Variants in NEBL observed in about 807,000 individuals in gnomAD.
NEBL encodes the protein nebulette.
A neutral mutation model predicts 140.2 loss-of-function variants in NEBL; 122 were observed. The observed-to-expected ratio is 0.87, with a 90% CI of 0.75 to 1.01. The LOEUF (loss-of-function observed/expected upper bound fraction) is 1.01. Among genes scored for constraint, NEBL ranks in the 50% least tolerant of loss-of-function variants. The pLI, the probability that NEBL is intolerant of heterozygous loss-of-function variation, is 0.00. For missense variants in NEBL, 1,365 were observed against 1,231.3 expected (o/e 1.11, Z -1.62); for synonymous variants, 436 against 398.9 (o/e 1.09, Z -1.11).
At chr10:21,148,181 A>G (rs1413216127) in intron 2 of NEBL, among the ~76,000 whole-genome samples, 3 of 152,238 alleles carry the variant, frequency 2.0e-5, no homozygotes, top group Non-Finnish European at 4.4e-5. Context: ...AAGTTCCAGA[A>G]AGGGAATAAC....
At chr10:20,836,780 C>G (rs1293207123) in intron 13 of NEBL, among the ~76,000 whole-genome samples, 3 of 152,026 alleles carry the variant, frequency 2.0e-5, no homozygotes, top group Admixed American at 6.6e-5. Context: ...TCCTTTACAC[C>G]CAATAAAACT....
At chr10:20,899,556 C>A, upstream of NEBL, 5 of 527,432 alleles carry the variant, frequency 9.5e-6, no homozygotes, top group South Asian at 1.0e-4. Flanking sequence ...ATTCTAGAAT[C>A]AGAATTTCAA....
At position 21,287,646 on chromosome 10, in the gene NEBL, T is replaced by C. The variant is rs545631419; in HGVS notation, n.182+5184A>G. Among the ~76,000 whole-genome samples, 7 of 152,294 alleles carry C rather than the reference T, an allele frequency of 4.6e-5. No homozygotes were observed. The East Asian group carries it at 1.3e-3, about 29-fold the overall frequency. ...GACCATTGAAAGTATTCATTAAAAA[T>C]CTAATCAAACCCCTATAATCCAGAT... On this transcript the variant is annotated intron_variant and non_coding_transcript_variant, in intron 1 of 8. Transcript: ENST00000675702.
At position 21,272,146 on chromosome 10, in the gene NEBL, T is replaced by C. The variant is rs1014143940; in HGVS notation, n.183-20318A>G. ...TTTTTTTTTTTTTTTTTTTTTTTTT[T>C]AGTAGAGACGGGGTTTCACCATGTT... On this transcript the variant is annotated intron_variant and non_coding_transcript_variant, in intron 1 of 8. Transcript: ENST00000675702. Among the ~76,000 whole-genome samples, 190 of 140,080 alleles carry C rather than the reference T, an allele frequency of 1.4e-3. 2 individuals carry two copies. Among genetic ancestry groups the C allele is most frequent in the African/African-American group, 5.1e-3 (173 of 33,664 alleles). 91.9% of individuals were successfully genotyped at this position (140,080 alleles called of 152,430 possible).
intron 4 of NEBL, among the ~76,000 whole-genome samples, chr10:20,916,017 T>C (rs1252173481): frequency 6.6e-6 from 1 of 152,250 alleles, no homozygotes; most frequent in Non-Finnish European, 1.5e-5. Context: ...TAACAGACTG[T>C]CTTTCTACGA....
chr10:21,165,734 C>A (rs1000062087), intron 2 of NEBL, among the ~76,000 whole-genome samples: 1 of 152,088 alleles, frequency 6.6e-6, no homozygotes, highest in Non-Finnish European at 1.5e-5. Context: ...GGTGTGGGCT[C>A]TTACTGCTGA....
intron 26 of NEBL, chr10:20,793,261 G>T: frequency 4.0e-6 from 3 of 745,562 alleles, no homozygotes; most frequent in Non-Finnish European, 4.9e-6. Context: ...TTAAAGACAT[G>T]CCTAATCATC....
chr10:20,973,517 T>C (rs1454407059), intron 3 of NEBL, among the ~76,000 whole-genome samples: 1 of 152,226 alleles, frequency 6.6e-6, no homozygotes, highest in East Asian at 1.9e-4. Flanking sequence ...CCCAATATGC[T>C]AGGATTGTAG....
At chr10:21,094,469 T>G (rs943519021) in intron 2 of NEBL, among the ~76,000 whole-genome samples, 62 of 125,420 alleles carry the variant, frequency 4.9e-4, no homozygotes, top group African/African-American at 1.8e-3. Context: ...GCCACTGCAC[T>G]CCAGCCTGGG....
chr10:21,028,641 TTTTG>T (rs1415087308), intron 2 of NEBL, among the ~76,000 whole-genome samples: 3 of 152,186 alleles, frequency 2.0e-5, no homozygotes, highest in African/African-American at 7.2e-5. Flanking sequence ...GAATTTTAGA[TTTTG>T]TTTAAGCACA....
rs191691067 is a variant in NEBL, at chr10:21,151,715, T to A, written c.164+20668A>T. On this transcript the variant is annotated intron_variant, in intron 2 of 6. Transcript: ENST00000417816. ...ATTGCTTTTCCCACACGCCCCAGGT[T>A]CACTCCGTGCCCTTGCTATTCCCTT... Among the ~76,000 whole-genome samples the A allele has an allele frequency of 2.0e-5, 3 of 152,162 alleles. No individual in the cohort carries two copies. The East Asian group carries it at 5.8e-4, about 29-fold the overall frequency.
chr10:21,189,415 C>T (rs1841534483), intron 3 of NEBL, among the ~76,000 whole-genome samples: 1 of 152,106 alleles, frequency 6.6e-6, no homozygotes, highest in African/African-American at 2.4e-5. Context: ...AGACTTTTCC[C>T]CTCCAGAACC....
intron 26 of NEBL, among the ~76,000 whole-genome samples, chr10:20,791,259 C>A (rs1056311689): frequency 6.6e-6 from 1 of 151,894 alleles, no homozygotes; most frequent in African/African-American, 2.4e-5. Flanking sequence ...TTCTACTGTA[C>A]AATAAAGTAC....
At chr10:21,272,582 A>G (rs1053874463) in intron 1 of NEBL, among the ~76,000 whole-genome samples, 2 of 152,282 alleles carry the variant, frequency 1.3e-5, no homozygotes, top group Admixed American at 1.3e-4. Flanking sequence ...GAGCAAGACC[A>G]TGTCAAATAA....
intron 1 of NEBL, among the ~76,000 whole-genome samples, chr10:21,277,314 T>C (rs892295173): frequency 1.3e-5 from 2 of 151,396 alleles, no homozygotes; most frequent in Non-Finnish European, 2.9e-5. Context: ...GTTCAAGCGA[T>C]TCTCCTGCCT....
At chr10:21,032,243 G>C (rs566567539) in intron 2 of NEBL, among the ~76,000 whole-genome samples, 4 of 152,280 alleles carry the variant, frequency 2.6e-5, no homozygotes, top group African/African-American at 9.6e-5. Flanking sequence ...GACATTTTAA[G>C]ATAATACCTT....
intron 2 of NEBL, among the ~76,000 whole-genome samples, chr10:21,129,900 A>G (rs990571557): frequency 2.6e-5 from 4 of 152,206 alleles, no homozygotes; most frequent in Admixed American, 2.6e-4. Context: ...AATTATATCA[A>G]TAATCACTTT....
At chr10:21,230,272 G>A (rs781728779) in intron 3 of NEBL, among the ~76,000 whole-genome samples, 1 of 152,062 alleles carries the variant, frequency 6.6e-6, no homozygotes, top group South Asian at 2.1e-4. Context: ...ATGACCTATG[G>A]CAACCATGTA....
At chr10:21,072,241 C>A (rs1180470483) in intron 2 of NEBL, among the ~76,000 whole-genome samples, 3 of 152,126 alleles carry the variant, frequency 2.0e-5, no homozygotes, top group East Asian at 1.9e-4. Context: ...CTATCTTAGT[C>A]TCCTCATAGC....
Sources: gnomAD v4.1 joint callset for allele counts (sites outside exome capture counted in the v4.1 genomes callset) on GRCh38, gnomAD v4.1.1 for gene constraint, MANE v1.5 for transcripts, NCBI Gene and HGNC (gene_info 2026-07-23, HGNC 2026-07-21) for gene names.